PCDHA4: variants seen among roughly 807,000 people sequenced by gnomAD.
The protein encoded by PCDHA4 is protocadherin alpha 4.
A neutral mutation model predicts 61.4 loss-of-function variants in PCDHA4; 49 were observed. The observed-to-expected ratio is 0.80, with a 90% CI of 0.63 to 1.01. The LOEUF (loss-of-function observed/expected upper bound fraction) is 1.01, where lower values mean the gene tolerates loss of function less well. PCDHA4 is among the 50% of genes least tolerant of loss of function. PCDHA4 has a pLI of 0.00. For synonymous variants in PCDHA4, 590 were observed against 550.3 expected, an observed-to-expected ratio of 1.07 and a Z score of -1.01; for missense variants, 1,254 against 1,235.8, an observed-to-expected ratio of 1.01 and a Z score of -0.22.
chr5:140,836,412 A>C, intron 1 of PCDHA4: 2 of 1,613,792 alleles, frequency 1.2e-6, no homozygotes, highest in Non-Finnish European at 8.5e-7. Context: ...CCAGGCACCA[A>C]AGGCGTCGTC....
At chr5:140,843,702 A>G (rs375271706) in intron 1 of PCDHA4, 3 of 1,580,560 alleles carry the variant, frequency 1.9e-6, no homozygotes, top group Admixed American at 3.4e-5. Context: ...TTAAATGTTG[A>G]TCATGGCCTC....
At position 140,924,894 on chromosome 5, in the gene PCDHA4, CA is replaced by C. The variant is rs782133089; in HGVS notation, c.2386-54044del. 4.9e-4 allele frequency among the ~76,000 whole-genome samples: 35 copies of C among 71,496 alleles called. 1 individual carries two copies. Among genetic ancestry groups the C allele is most frequent in the Admixed American group, 2.6e-3 (18 of 6,864 alleles). The allele number at this position is 71,496 out of a possible 152,430, so 46.9% of individuals were successfully genotyped here. On this transcript the variant is annotated intron_variant, in intron 1 of 3. Coordinates refer to ENST00000530339, the MANE Select transcript of PCDHA4 (RefSeq NM_018907.4). Reference sequence around the variant, plus strand: ...TGGGTGACAGAGCAAGAACCTGTCTCAAAAAAAAAAATAAAATAAAATAAAA... The same window carrying C: ...TGGGTGACAGAGCAAGAACCTGTCTCAAAAAAAAAATAAAATAAAATAAAA...
intron 3 of PCDHA4, among the ~76,000 whole-genome samples, chr5:140,985,770 C>T (rs1456292041): frequency 1.5e-5 from 2 of 132,222 alleles, no homozygotes; most frequent in African/African-American, 2.8e-5. Flanking sequence ...GAGACAGTCT[C>T]GCTCTGTCGC....
chr5:140,835,475 A>G (rs141258579), intron 1 of PCDHA4: 5 of 1,613,920 alleles, frequency 3.1e-6, no homozygotes, highest in Middle Eastern at 1.6e-4. Context: ...AGGACGCCCA[A>G]CCAGGTACCG....
At chr5:140,871,187 T>C in intron 1 of PCDHA4, 1 of 1,613,626 alleles carries the variant, frequency 6.2e-7, no homozygotes, top group Non-Finnish European at 8.5e-7. Flanking sequence ...CTGGTGGATG[T>C]CAACGTGTAC....
At chr5:140,962,932 TC>T (rs1188109186) in intron 1 of PCDHA4, among the ~76,000 whole-genome samples, 20 of 152,266 alleles carry the variant, frequency 1.3e-4, no homozygotes, top group African/African-American at 4.3e-4. Flanking sequence ...CTTCTCAACC[TC>T]CTCTCCATAA....
Position 140,807,884 on chromosome 5 carries a change from C to G in PCDHA4, c.697C>G (p.Leu233Val), listed in dbSNP as rs782074587. The G allele has an allele frequency of 6.2e-7, 1 of 1,614,068 alleles. No homozygotes were observed. The highest frequency in any genetic ancestry group is 8.5e-7 in the Non-Finnish European group (1 of 1,179,946). ...CACCGTTCAGTTACTCATCACAGTA[C>G]TGGATGCCAATGACAATGCCCCAGC... ...TGTVQLLITV[L>V]DANDNAPAFD... Residue 233 changes from leucine to valine, a missense_variant, in exon 1 of 4, where the codon CTG becomes GTG. Coordinates refer to ENST00000530339, the MANE Select transcript of PCDHA4 (RefSeq NM_018907.4).
At chr5:140,922,891 G>GA (rs1554201035) in intron 1 of PCDHA4, among the ~76,000 whole-genome samples, 2 of 152,160 alleles carry the variant, frequency 1.3e-5, no homozygotes, top group Non-Finnish European at 2.9e-5. Context: ...CATCATTCAA[G>GA]AAAAAATTTT....
At chr5:140,842,326 C>T (rs1406099374) in intron 1 of PCDHA4, 4 of 1,606,084 alleles carry the variant, frequency 2.5e-6, no homozygotes, top group African/African-American at 1.3e-5. Flanking sequence ...GTCATTGCAC[C>T]GTTTTAGTGA....
At chr5:140,876,361 C>A in intron 1 of PCDHA4, 1 of 1,613,880 alleles carries the variant, frequency 6.2e-7, no homozygotes. Flanking sequence ...TTCAATAAAT[C>A]CAGACACAGG....
intron 1 of PCDHA4, chr5:140,857,366 G>T: frequency 6.3e-7 from 1 of 1,598,350 alleles, no homozygotes. Flanking sequence ...CACGGCCAGC[G>T]TGTCTGTGGA....
At chr5:140,970,762 A>C (rs2096431667) in intron 1 of PCDHA4, among the ~76,000 whole-genome samples, 1 of 152,198 alleles carries the variant, frequency 6.6e-6, no homozygotes, top group Admixed American at 6.5e-5. Context: ...TCATTGACAT[A>C]TTGCTGTACA....
At chr5:140,928,099 C>T in intron 1 of PCDHA4, 5 of 1,614,204 alleles carry the variant, frequency 3.1e-6, no homozygotes, top group Non-Finnish European at 4.2e-6. Context: ...TGATGGGCCC[C>T]TGGACCGGGA....
chr5:140,995,265 G>A (rs1293855932), intron 3 of PCDHA4, among the ~76,000 whole-genome samples: 1 of 152,102 alleles, frequency 6.6e-6, no homozygotes, highest in African/African-American at 2.4e-5. Context: ...TTGAATACAA[G>A]CCCTTTGATA....
intron 1 of PCDHA4, chr5:140,814,842 T>C (rs148229607): frequency 9.2e-5 from 14 of 152,232 alleles, no homozygotes; most frequent in Admixed American, 3.9e-4. Flanking sequence ...TTTCTGTGAA[T>C]GTTTGCCTCA....
At chr5:140,895,454 G>T (rs1554186522) in intron 1 of PCDHA4, among the ~76,000 whole-genome samples, 1 of 151,918 alleles carries the variant, frequency 6.6e-6, no homozygotes, top group Non-Finnish European at 1.5e-5. Context: ...TGTGCTTATT[G>T]GTCATTTCTT....
In PCDHA4 at chr5:140,843,721, T is replaced by C. The variant is rs2150365557; in HGVS notation, c.2385+34149T>C. 8 of 1,563,020 alleles carry C rather than the reference T, an allele frequency of 5.1e-6. 1 individual carries two copies. Among genetic ancestry groups the C allele is most frequent in the Non-Finnish European group, 7.0e-6 (8 of 1,139,046 alleles). On this transcript the variant is annotated intron_variant, in intron 1 of 3. Coordinates refer to ENST00000530339, the MANE Select transcript of PCDHA4 (RefSeq NM_018907.4). ...ATGTTGATCATGGCCTCAAAGTAAG[T>C]CCATTTAAATTTAGAACTCATAAAT...
chr5:140,851,007 T>G, intron 1 of PCDHA4: 1 of 1,436,880 alleles, frequency 7.0e-7, no homozygotes, highest in Non-Finnish European at 9.2e-7. Context: ...CCAGCAGATT[T>G]TTTTTCTGAT....
intron 1 of PCDHA4, chr5:140,927,616 G>T (rs1228559116): frequency 6.2e-7 from 1 of 1,614,164 alleles, no homozygotes; most frequent in South Asian, 1.1e-5. Flanking sequence ...CCGCACCAAG[G>T]TTCCAGAGAC....
Sources: allele counts gnomAD v4.1 joint callset (sites outside exome capture counted in the v4.1 genomes callset), GRCh38; gene constraint gnomAD v4.1.1; transcripts MANE v1.5; gene names NCBI Gene and HGNC (gene_info 2026-07-23, HGNC 2026-07-21).